Variants in VWA5A observed in about 807,000 individuals in gnomAD.
The protein encoded by VWA5A is von Willebrand factor A domain containing 5A.
In VWA5A, 77 loss-of-function variants were observed where a neutral mutation model predicts 84.6. The ratio of observed to expected loss-of-function variants is 0.91; its 90% CI spans 0.76 to 1.10. The LOEUF is 1.10. Among genes scored for constraint, VWA5A ranks in the 50% least tolerant of loss-of-function variants. The pLI is 0.00. For synonymous variants in VWA5A, 334 were observed against 350.1 expected (o/e 0.95, Z 0.51); for missense variants, 973 against 963.0 (o/e 1.01, Z -0.14).
At chr11:124,118,930 G>T (rs1565614306) in intron 6 of VWA5A, 45 bp from the exon 7 acceptor site, 1 of 1,589,068 alleles carries the variant, frequency 6.3e-7, no homozygotes, top group East Asian at 2.2e-5. Flanking sequence ...CAAGAAGCAA[G>T]AAGTTATGAT....
chr11:124,134,472 G>A (rs1341906037), intron 11 of VWA5A, among the ~76,000 whole-genome samples: 2 of 152,180 alleles, frequency 1.3e-5, no homozygotes, highest in Non-Finnish European at 2.9e-5. Context: ...AGTGCAGGAG[G>A]CACACTTCCT....
intron 12 of VWA5A, among the ~76,000 whole-genome samples, chr11:124,135,522 C>CTT (rs60188800): frequency 0.022 from 1,860 of 84,406 alleles, 196 homozygotes; most frequent in African/African-American, 0.074. Flanking sequence ...GGTGGTATTT[C>CTT]TTTTTTTTTT....
intron 15 of VWA5A, 140 bp from the exon 16 acceptor site, chr11:124,141,458 C>T (rs1282627589): frequency 9.9e-7 from 1 of 1,012,164 alleles, no homozygotes; most frequent in Non-Finnish European, 1.4e-6. Context: ...AGGAGGTGGG[C>T]ATATGAGAGA....
chr11:124,118,970 C>G lies in VWA5A; in HGVS notation c.646-5C>G. The G allele has an allele frequency of 6.2e-7, 1 of 1,613,618 alleles. No homozygotes were observed. The highest frequency in any genetic ancestry group is 8.5e-7 in the Non-Finnish European group (1 of 1,179,626). On this transcript the variant is annotated splice_polypyrimidine_tract_variant and splice_region_variant and intron_variant, in intron 6 of 18. Coordinates refer to ENST00000456829, the MANE Select transcript of VWA5A (RefSeq NM_001130142.2). ...ATGTGGCTCCTTTACCTGTCCTCCA[C>G]TCAGGTTTCCCTGGCTGCTGGACAC...
chr11:124,142,838 G>A (rs931674568), intron 17 of VWA5A, among the ~76,000 whole-genome samples: 3 of 152,100 alleles, frequency 2.0e-5, no homozygotes, highest in African/African-American at 2.4e-5. Context: ...CACTTTAATC[G>A]TATTCCCTGC....
At chr11:124,144,856 A>G (rs974062614) in intron 17 of VWA5A, among the ~76,000 whole-genome samples, 12 of 152,062 alleles carry the variant, frequency 7.9e-5, no homozygotes, top group African/African-American at 2.9e-4. Context: ...ATGTTTATTG[A>G]TATTTTTTCA....
At chr11:124,140,398 G>C (rs192991510) in intron 15 of VWA5A, among the ~76,000 whole-genome samples, 6 of 152,066 alleles carry the variant, frequency 3.9e-5, no homozygotes, top group Middle Eastern at 3.4e-3. Flanking sequence ...TCAAAGATCA[G>C]GTAAAACAGA....
At chr11:124,119,131 C>T (rs1864891508) in intron 7 of VWA5A, 42 bp downstream of exon 7, 1 of 1,543,908 alleles carries the variant, frequency 6.5e-7, no homozygotes, top group Non-Finnish European at 8.9e-7. Flanking sequence ...TAAGGGGCAA[C>T]TCCCTGTCTT....
intron 15 of VWA5A, among the ~76,000 whole-genome samples, chr11:124,140,660 G>A (rs1479192055): frequency 6.6e-6 from 1 of 151,916 alleles, no homozygotes; most frequent in Non-Finnish European, 1.5e-5. Flanking sequence ...TTAGAAATGA[G>A]GTCTCACTAC....
At chr11:124,124,011 A>G (rs1459372502) in intron 10 of VWA5A, among the ~76,000 whole-genome samples, 4 of 152,194 alleles carry the variant, frequency 2.6e-5, no homozygotes, top group South Asian at 2.1e-4. Flanking sequence ...ATGGAGTGCC[A>G]CAATAACTGA....
Position 124,142,554 on chromosome 11 carries a change from G to A in VWA5A, c.2136G>A (p.Met712Ile), listed in dbSNP as rs1420773690. The A allele has an allele frequency of 1.9e-6, 3 of 1,614,160 alleles. No homozygotes were observed. The South Asian group carries it at 3.3e-5, about 18-fold the overall frequency. ...KILGMSLEEI[M>I]AAQPAELVDS... ...TAGGTATGAGTTTGGAAGAAATAAT[G>A]GCTGCACAGCCTGCCGAGGTAAGAT... is the stretch of plus-strand genomic sequence containing the variant. Residue 712 changes from methionine (M) to isoleucine (I), a missense_variant, in exon 17 of 19, where the codon ATG becomes ATA. By Grantham distance (10) the Met-to-Ile change is conservative. Coordinates refer to ENST00000456829, the MANE Select transcript of VWA5A (RefSeq NM_001130142.2).
rs139077455 is a variant in VWA5A at position 124,144,665 on chromosome 11, G to A, written c.2155-572G>A. On this transcript the variant is annotated intron_variant, in intron 17 of 18. Transcript: ENST00000456829. ...AAAGCTGAAGCTGGGAGCAGTGAGCGAAAACTCATGGGAGACAATTTTCTG... is the reference window on the plus strand; with the variant it reads ...AAAGCTGAAGCTGGGAGCAGTGAGCAAAAACTCATGGGAGACAATTTTCTG... Among the ~76,000 whole-genome samples the A allele has an allele frequency of 3.5e-3, 526 of 152,278 alleles. 4 individuals are homozygous for A. The highest frequency in any genetic ancestry group is 0.012 in the African/African-American group (502 of 41,562).
intron 7 of VWA5A, among the ~76,000 whole-genome samples, chr11:124,121,407 A>T (rs2137631547): frequency 6.6e-6 from 1 of 152,292 alleles, no homozygotes; most frequent in South Asian, 2.1e-4. Flanking sequence ...TGTGGGCTGC[A>T]TGTGGCCCAG....
intron 14 of VWA5A, 21 bp from the exon 15 acceptor site, chr11:124,136,994 C>A: frequency 1.5e-6 from 2 of 1,294,876 alleles, no homozygotes; most frequent in East Asian, 2.7e-5. Context: ...CATTTCAGTA[C>A]TTTTTTTTTT....
chr11:124,117,884 GATTACCTCCTCCCTTCTTATTAC>G lies in VWA5A; in HGVS notation c.246+31_246+53del, dbSNP rs1334613569. On this transcript the variant is annotated intron_variant, in intron 4 of 18. Coordinates refer to ENST00000456829, the MANE Select transcript of VWA5A (RefSeq NM_001130142.2). Reference sequence around the variant, plus strand: ...TACAAGACAAGATGAAGGTAGTAGAGATTACCTCCTCCCTTCTTATTACATTACCTCCTCCCTTCTTATTTCCT... The same window carrying G: ...TACAAGACAAGATGAAGGTAGTAGAGATTACCTCCTCCCTTCTTATTTCCT... The G allele has an allele frequency of 1.2e-6, 2 of 1,613,724 alleles. No homozygotes were observed. Among genetic ancestry groups the G allele is most frequent in the East Asian group, 2.2e-5 (1 of 44,860 alleles).
intron 7 of VWA5A, among the ~76,000 whole-genome samples, chr11:124,121,511 G>A (rs1415914669): frequency 6.6e-6 from 1 of 151,900 alleles, no homozygotes; most frequent in Non-Finnish European, 1.5e-5. Flanking sequence ...ATCAGCTATT[G>A]TTAGTGTTAA....
chr11:124,141,181 G>A (rs1860721479), intron 15 of VWA5A, among the ~76,000 whole-genome samples: 3 of 152,172 alleles, frequency 2.0e-5, no homozygotes, highest in Admixed American at 2.0e-4. Context: ...AAGGTAAACC[G>A]CATTTAATGA....
intron 2 of VWA5A, 155 bp from the exon 3 acceptor site, chr11:124,117,342 A>C (rs1341344550): frequency 1.4e-6 from 1 of 724,608 alleles, no homozygotes; most frequent in Admixed American, 2.3e-5. Flanking sequence ...TTATGACTGA[A>C]ATCTTTGTCT....
rs187129563 is a variant in VWA5A, at chr11:124,133,346, G to A, written c.1245-1574G>A. Among the ~76,000 whole-genome samples the A allele has an allele frequency of 2.7e-3, 405 of 152,230 alleles. 4 individuals are homozygous for A. The highest frequency in any genetic ancestry group is 8.4e-3 in the African/African-American group (347 of 41,526). The stretch of plus-strand genomic sequence containing the variant: ...TGCAAATTGATATTTTGTTCCTCCC[G>A]CCTGCGTGTAACCACTTAGGTTTTA... On this transcript the variant is annotated intron_variant, in intron 11 of 18. Transcript: ENST00000456829.
Sources: allele counts gnomAD v4.1 joint callset (sites outside exome capture counted in the v4.1 genomes callset), GRCh38; gene constraint gnomAD v4.1.1; transcripts MANE v1.5; gene names NCBI Gene and HGNC (gene_info 2026-07-23, HGNC 2026-07-21).